The following RPSA2 variants were observed in gnomAD, a reference collection of about 807,000 sequenced individuals.
RPSA2 encodes ribosomal protein SA 2, also known as small ribosomal subunit protein uS2B.
the RPSA2 span, among the ~76,000 whole-genome samples, chr19:23,836,179 A>G: frequency 1.3e-5 from 2 of 151,994 alleles, no homozygotes; most frequent in Non-Finnish European, 2.9e-5. Flanking sequence ...CCCAAAGTCC[A>G]TTGTATTATT....
At chr19:23,853,145 G>A in the RPSA2 span, among the ~76,000 whole-genome samples, 2 of 152,222 alleles carry the variant, frequency 1.3e-5, no homozygotes, top group East Asian at 3.8e-4. Flanking sequence ...ATGAACTGCA[G>A]GCTCCTGATT....
At chr19:23,869,167 T>C in the RPSA2 span, among the ~76,000 whole-genome samples, 6 of 152,136 alleles carry the variant, frequency 3.9e-5, no homozygotes, top group African/African-American at 1.4e-4. Flanking sequence ...TCAGGGAGCA[T>C]GGGCTCCAGG....
chr19:23,769,293 C>T, the RPSA2 span, among the ~76,000 whole-genome samples: 2 of 152,302 alleles, frequency 1.3e-5, no homozygotes, highest in African/African-American at 4.8e-5. Flanking sequence ...TCTTCCTGGG[C>T]CCTACCCATG....
chr19:23,762,837 T>C, the RPSA2 span: 2 of 152,252 alleles, frequency 1.3e-5, no homozygotes, highest in Non-Finnish European at 2.9e-5. Flanking sequence ...ACCTTTACTG[T>C]CCGTAAAATG....
chr19:23,790,808 C>A, the RPSA2 span: 1 of 544,580 alleles, frequency 1.8e-6, no homozygotes, highest in Non-Finnish European at 3.4e-6. Flanking sequence ...TGGAGAGGGG[C>A]AAGGGCTGGT....
chr19:23,846,971 T>C, the RPSA2 span, among the ~76,000 whole-genome samples: 1 of 152,150 alleles, frequency 6.6e-6, no homozygotes, highest in Non-Finnish European at 1.5e-5. Context: ...TTTTTGATGT[T>C]TTTTATTCCT....
At chr19:23,851,366 C>T in the RPSA2 span, among the ~76,000 whole-genome samples, 1 of 152,114 alleles carries the variant, frequency 6.6e-6, no homozygotes, top group Non-Finnish European at 1.5e-5. Flanking sequence ...GAGATTGGAA[C>T]TTCTGAGCTT....
chr19:23,838,500 T>A, the RPSA2 span, among the ~76,000 whole-genome samples: 23 of 152,290 alleles, frequency 1.5e-4, no homozygotes, highest in East Asian at 4.0e-3. Flanking sequence ...TTGGTACCAC[T>A]TCTTTGAATT....
chr19:23,849,127 G>A, the RPSA2 span, among the ~76,000 whole-genome samples: 4 of 152,168 alleles, frequency 2.6e-5, no homozygotes, highest in African/African-American at 9.7e-5. Flanking sequence ...TTAATACATT[G>A]GGCAGTTTGT....
chr19:23,781,177 G>A, the RPSA2 span, among the ~76,000 whole-genome samples: 1 of 152,194 alleles, frequency 6.6e-6, no homozygotes, highest in African/African-American at 2.4e-5. Context: ...GTTTCACCAT[G>A]TTGGCCAGAC....
chr19:23,820,182 A>G, the RPSA2 span, among the ~76,000 whole-genome samples: 1 of 152,196 alleles, frequency 6.6e-6, no homozygotes, highest in Admixed American at 6.5e-5. Context: ...GGGCCCCTGT[A>G]TTAGGTTGTT....
At chr19:23,773,468 G>C in the RPSA2 span, among the ~76,000 whole-genome samples, 6 of 152,018 alleles carry the variant, frequency 3.9e-5, no homozygotes, top group Non-Finnish European at 8.8e-5. Flanking sequence ...ATTTTTAGTA[G>C]AGATGGAGTT....
chr19:23,785,504 T>G, the RPSA2 span, among the ~76,000 whole-genome samples: 2 of 152,158 alleles, frequency 1.3e-5, no homozygotes, highest in African/African-American at 4.8e-5. Context: ...GTGTCTTTCT[T>G]GCATGGCCTT....
chr19:23,769,444 A>G, the RPSA2 span, among the ~76,000 whole-genome samples: 1 of 152,130 alleles, frequency 6.6e-6, no homozygotes, highest in Non-Finnish European at 1.5e-5. Context: ...CCTGGGTTCA[A>G]GTGATTCAAC....
the RPSA2 span, chr19:23,758,901 G>A: frequency 4.9e-6 from 5 of 1,023,722 alleles, no homozygotes; most frequent in South Asian, 3.0e-5. Context: ...CAAAGGCCCC[G>A]CCAATCCCGG....
the RPSA2 span, among the ~76,000 whole-genome samples, chr19:23,794,064 G>T: frequency 1.3e-5 from 2 of 152,136 alleles, no homozygotes; most frequent in Non-Finnish European, 2.9e-5. Flanking sequence ...GAGCCATTGT[G>T]CCTGATCATA....
the RPSA2 span, among the ~76,000 whole-genome samples, chr19:23,761,923 T>TCCTTCCTTCCTTCCTTCCTTCCTTCC: frequency 1.6e-4 from 10 of 63,552 alleles, no homozygotes; most frequent in African/African-American, 6.9e-4. Flanking sequence ...TTTCTTTCTT[T>TCCTTCCTTCCTTCCTTCCTTCCTTCC]TTTTTTTTTT....
At chr19:23,851,014 A>G in the RPSA2 span, among the ~76,000 whole-genome samples, 8 of 152,222 alleles carry the variant, frequency 5.3e-5, no homozygotes, top group African/African-American at 1.9e-4. Context: ...TTACATATCC[A>G]GGGGCATTGT....
the RPSA2 span, among the ~76,000 whole-genome samples, chr19:23,846,823 T>C: frequency 2.0e-5 from 3 of 152,230 alleles, no homozygotes; most frequent in South Asian, 2.1e-4. Context: ...GATACTATGA[T>C]TATTATGTGC....
Sources: allele counts gnomAD v4.1 joint callset (sites outside exome capture counted in the v4.1 genomes callset), GRCh38; gene constraint gnomAD v4.1.1; transcripts MANE v1.5; gene names NCBI Gene and HGNC (gene_info 2026-07-23, HGNC 2026-07-21).